RANBP2: variants seen among roughly 807,000 people sequenced by gnomAD.
RANBP2 encodes RAN binding protein 2.
In RANBP2, 57 loss-of-function variants were observed where a neutral mutation model predicts 303.6. That is an observed-to-expected ratio of 0.19 (90% CI 0.15 to 0.23). RANBP2 has a LOEUF of 0.23. Among genes scored for constraint, RANBP2 ranks in the 10% least tolerant of loss-of-function variants. RANBP2 has a pLI of 1.00. For missense variants in RANBP2, 3,138 were observed against 3,780.8 expected, an observed-to-expected ratio of 0.83 and a Z score of 4.46; for synonymous variants, 1,167 against 1,301.5, an observed-to-expected ratio of 0.90 and a Z score of 2.23.
the RANBP2 span, among the ~76,000 whole-genome samples, chr2:109,448,485 C>T: frequency 3.3e-5 from 5 of 152,138 alleles, no homozygotes; most frequent in Non-Finnish European, 7.3e-5. Context: ...GCTCCACCAC[C>T]CATCACATTA....
At chr2:109,340,934 C>T in the RANBP2 span, among the ~76,000 whole-genome samples, 8 of 152,214 alleles carry the variant, frequency 5.3e-5, no homozygotes, top group African/African-American at 1.9e-4. Context: ...TTTAAATCCT[C>T]TCCAATCTGG....
the RANBP2 span, among the ~76,000 whole-genome samples, chr2:108,970,145 T>A: frequency 6.6e-6 from 1 of 152,148 alleles, no homozygotes. Flanking sequence ...AGCTTTGCAC[T>A]GAGAGGGGAG....
the RANBP2 span, among the ~76,000 whole-genome samples, chr2:109,535,148 G>C: frequency 6.6e-6 from 1 of 152,230 alleles, no homozygotes; most frequent in African/African-American, 2.4e-5. Flanking sequence ...AGCGTGGAGA[G>C]AGAATGCAAA....
the RANBP2 span, among the ~76,000 whole-genome samples, chr2:109,042,618 T>A: frequency 6.6e-6 from 1 of 152,228 alleles, no homozygotes; most frequent in South Asian, 2.1e-4. Context: ...TTCTCCTGGG[T>A]CTTAGCCTTA....
At chr2:109,667,548 G>T in the RANBP2 span, among the ~76,000 whole-genome samples, 20 of 152,290 alleles carry the variant, frequency 1.3e-4, no homozygotes, top group South Asian at 3.7e-3. Flanking sequence ...GTGGCACACA[G>T]AGCCCATAGA....
At chr2:109,194,507 C>T in the RANBP2 span, among the ~76,000 whole-genome samples, 1 of 152,216 alleles carries the variant, frequency 6.6e-6, no homozygotes, top group South Asian at 2.1e-4. Flanking sequence ...TGGTGCGCAT[C>T]TGAGGAGGAG....
At chr2:108,993,686 T>A in the RANBP2 span, among the ~76,000 whole-genome samples, 1 of 152,172 alleles carries the variant, frequency 6.6e-6, no homozygotes. Context: ...GGCTTTGCGT[T>A]GATTGTACCC....
chr2:109,290,146 G>A, the RANBP2 span, among the ~76,000 whole-genome samples: 8 of 152,336 alleles, frequency 5.3e-5, no homozygotes, highest in African/African-American at 1.9e-4. Context: ...GACCAAAGTT[G>A]CATGGTCCTG....
the RANBP2 span, chr2:108,910,927 C>T: frequency 1.6e-4 from 265 of 1,613,980 alleles, no homozygotes; most frequent in Non-Finnish European, 2.1e-4. Flanking sequence ...AGCAGGGCAC[C>T]GGCGCATGGG....
chr2:109,565,178 TC>T, the RANBP2 span, among the ~76,000 whole-genome samples: 1 of 152,138 alleles, frequency 6.6e-6, no homozygotes, highest in African/African-American at 2.4e-5. Flanking sequence ...TTATATTTTC[TC>T]AATTTTTTCA....
chr2:108,788,573 A>G (rs1679340562), downstream of RANBP2, among the ~76,000 whole-genome samples: 2 of 151,690 alleles, frequency 1.3e-5, no homozygotes, highest in South Asian at 4.2e-4. Flanking sequence ...ACAAAAAATT[A>G]GCCGGGTGTG....
the RANBP2 span, among the ~76,000 whole-genome samples, chr2:109,170,748 A>T: frequency 1.3e-5 from 2 of 152,300 alleles, no homozygotes; most frequent in South Asian, 4.2e-4. Context: ...TGTGCCAGGC[A>T]CTGGGGCTCA....
At chr2:109,442,278 T>A in the RANBP2 span, among the ~76,000 whole-genome samples, 2 of 143,060 alleles carry the variant, frequency 1.4e-5, no homozygotes, top group African/African-American at 2.7e-5. Context: ...GCCACTGCAC[T>A]CCAGCCTGGG....
chr2:109,039,216 G>T, the RANBP2 span, among the ~76,000 whole-genome samples: 4 of 152,218 alleles, frequency 2.6e-5, no homozygotes, highest in African/African-American at 9.6e-5. Context: ...TGGGTCTCCA[G>T]CCTGCTGGTC....
the RANBP2 span, among the ~76,000 whole-genome samples, chr2:109,056,900 A>G: frequency 1.3e-5 from 2 of 152,238 alleles, no homozygotes; most frequent in Non-Finnish European, 2.9e-5. Context: ...AAGCTGTAAC[A>G]TGGTTAACAG....
At chr2:109,613,653 A>G in the RANBP2 span, 24 of 519,594 alleles carry the variant, frequency 4.6e-5, no homozygotes, top group African/African-American at 4.8e-4. Context: ...GCCGCCGCGG[A>G]AGCCGGGGAG....
the RANBP2 span, among the ~76,000 whole-genome samples, chr2:109,306,662 C>T: frequency 0.31 from 47,273 of 152,092 alleles, 9,061 homozygotes; most frequent in African/African-American, 0.54. Context: ...GTCGGTGGAC[C>T]CCAAATGCCC....
the RANBP2 span, among the ~76,000 whole-genome samples, chr2:109,709,460 G>A: frequency 1.3e-5 from 2 of 152,226 alleles, no homozygotes; most frequent in Non-Finnish European, 2.9e-5. Flanking sequence ...GGGGTTTGGA[G>A]TCTGATGCCC....
chr2:109,569,857 A>T, the RANBP2 span, among the ~76,000 whole-genome samples: 4 of 152,280 alleles, frequency 2.6e-5, no homozygotes, highest in South Asian at 8.3e-4. Context: ...GTAAGAGAAG[A>T]TAACTTTCCA....
Sources: allele counts gnomAD v4.1 joint callset (sites outside exome capture counted in the v4.1 genomes callset), GRCh38; gene constraint gnomAD v4.1.1; transcripts MANE v1.5; gene names NCBI Gene and HGNC (gene_info 2026-07-23, HGNC 2026-07-21).